Variants in SPATA6L observed in about 807,000 individuals in gnomAD.
The protein encoded by SPATA6L is spermatogenesis associated 6 like, also known as spermatogenesis associated 6-like protein.
A neutral mutation model predicts 49.2 loss-of-function variants in SPATA6L; 68 were observed. That is an observed-to-expected ratio of 1.38 (90% CI 1.14 to 1.69). The LOEUF (loss-of-function observed/expected upper bound fraction) is 1.69. SPATA6L is among the 40% of genes most tolerant of loss of function. SPATA6L has a pLI of 0.00. For synonymous variants in SPATA6L, 198 were observed against 165.7 expected (o/e 1.19, Z -1.50); for missense variants, 668 against 464.3 (o/e 1.44, Z -4.03).
At chr9:4,663,288 AG>A in intron 1 of SPATA6L, 1 of 1,599,362 alleles carries the variant, frequency 6.3e-7, no homozygotes, top group Non-Finnish European at 8.5e-7. Flanking sequence ...TTATGGCACC[AG>A]GAAGTCTGAA....
intron 5 of SPATA6L, chr9:4,628,341 C>G (rs542360814): frequency 6.5e-6 from 1 of 153,294 alleles, no homozygotes; most frequent in Admixed American, 6.4e-5. Context: ...ATACTGTATG[C>G]CTATATCAAA....
In SPATA6L at chr9:4,645,083, T is replaced by C. The variant is rs371950296; in HGVS notation, c.227-9684A>G. ...ACCTGTATTTATGAATAACGAAATTTGAATTTCATATAATTTTCACATCAC... is the reference window on the plus strand; with the variant it reads ...ACCTGTATTTATGAATAACGAAATTCGAATTTCATATAATTTTCACATCAC... On this transcript the variant is annotated intron_variant, in intron 3 of 11. Transcript: ENST00000682582. 3.9e-5 allele frequency among the ~76,000 whole-genome samples: 6 copies of C among 152,352 alleles called. No individual in the cohort carries two copies. In the East Asian group the frequency reaches 7.7e-4, roughly 20 times the overall value.
Position 4,618,088 on chromosome 9 carries a change from C to T in SPATA6L, c.830G>A (p.Arg277Gln), listed in dbSNP as rs368549520. 1.1e-5 allele frequency: 17 copies of T among 1,610,320 alleles called. No individual in the cohort carries two copies. The highest frequency in any genetic ancestry group is 4.0e-5 in the African/African-American group (3 of 74,782). ...NVKVIKEPDE[R>Q]IVLRSDSSSC... ...TGATGAGTCACTCCTTAAAACAATC[C>T]GTTCATCTGGCTCTTTGATAACCTG... The change falls in exon 9 of 12, where the codon CGG (arginine) becomes CAG (glutamine). Residue 277 changes from arginine (R) to glutamine (Q), a missense_variant. Physicochemically the swap from Arg to Gln is conservative, Grantham distance 43. Coordinates refer to ENST00000682582, the MANE Select transcript of SPATA6L (RefSeq NM_001353486.2).
At chr9:4,606,096 T>A (rs975710149) in intron 9 of SPATA6L, among the ~76,000 whole-genome samples, 2 of 152,066 alleles carry the variant, frequency 1.3e-5, no homozygotes, top group African/African-American at 4.8e-5. Context: ...ATACTGCGCT[T>A]TTCCTACGGG....
intron 3 of SPATA6L, among the ~76,000 whole-genome samples, chr9:4,646,752 C>T (rs1835470264): frequency 6.6e-6 from 1 of 152,002 alleles, no homozygotes; most frequent in African/African-American, 2.4e-5. Context: ...TTTCACTAGC[C>T]ATAAAAAAGA....
Position 4,604,320 on chromosome 9 carries a change from T to C in SPATA6L, c.1090-51A>G, listed in dbSNP as rs774623117. The C allele has an allele frequency of 4.7e-5, 57 of 1,215,768 alleles. No homozygotes were observed. In the Middle Eastern group the frequency reaches 3.3e-3, roughly 70 times the overall value. 75.3% of individuals were successfully genotyped at this position (1,215,768 alleles called of 1,614,324 possible). A position where few individuals can be genotyped will look rare whatever the true frequency, so the allele number is the denominator to read the frequency against. On this transcript the variant is annotated intron_variant, in intron 10 of 11. Transcript: ENST00000682582. ...TATGTTACCCATAACATAATAGAGA[T>C]GGATGATACCCAGATGTGTAGTTTT...
Position 4,662,604 on chromosome 9 carries a change from G to A in SPATA6L, c.40-568C>T, listed in dbSNP as rs760313037. 1.3e-6 allele frequency: 2 copies of A among 1,594,424 alleles called. No individual in the cohort carries two copies. Among genetic ancestry groups the A allele is most frequent in the Non-Finnish European group, 1.7e-6 (2 of 1,177,828 alleles). On this transcript the variant is annotated intron_variant, in intron 1 of 11. Coordinates refer to ENST00000682582, the MANE Select transcript of SPATA6L (RefSeq NM_001353486.2). The surrounding 1 kb of genome is among the most constrained non-coding windows in gnomAD (Gnocchi z 4.9). ...CGGCTCCTTCCCCCTGGCCGCGGCG[G>A]GCCCCTCGCAGTCGCCCGCGCCTCC...
chr9:4,648,385 T>G (rs1266268256), intron 3 of SPATA6L, among the ~76,000 whole-genome samples: 1 of 152,082 alleles, frequency 6.6e-6, no homozygotes, highest in African/African-American at 2.4e-5. Flanking sequence ...CACAGGTTAT[T>G]GGGGAATAGA....
At chr9:4,615,602 G>A (rs772723627) in intron 9 of SPATA6L, among the ~76,000 whole-genome samples, 1 of 152,208 alleles carries the variant, frequency 6.6e-6, no homozygotes, top group Non-Finnish European at 1.5e-5. Context: ...TCTCTCTCCT[G>A]ATGTAACTGA....
intron 9 of SPATA6L, among the ~76,000 whole-genome samples, chr9:4,616,348 A>T (rs1039182840): frequency 6.6e-6 from 1 of 152,170 alleles, no homozygotes; most frequent in Non-Finnish European, 1.5e-5. Flanking sequence ...GCACTTAGAG[A>T]CACATGAGCG....
chr9:4,659,556 A>T (rs1232337823), intron 2 of SPATA6L, among the ~76,000 whole-genome samples: 2 of 152,208 alleles, frequency 1.3e-5, no homozygotes, highest in African/African-American at 4.8e-5. Context: ...AGAAGATTCC[A>T]TGCTCATGGA....
At chr9:4,636,807 A>C (rs1832896594) in intron 3 of SPATA6L, among the ~76,000 whole-genome samples, 1 of 152,238 alleles carries the variant, frequency 6.6e-6, no homozygotes, top group African/African-American at 2.4e-5. Context: ...TATATTTTTC[A>C]TCATAAATAG....
At chr9:4,628,947 G>A (rs529545794) in intron 5 of SPATA6L, 144 bp downstream of exon 5, 544 of 626,760 alleles carry the variant, frequency 8.7e-4, no homozygotes, top group Non-Finnish European at 9.4e-4. Flanking sequence ...TTGAATTATA[G>A]AAATACAAAC....
intron 2 of SPATA6L, among the ~76,000 whole-genome samples, chr9:4,657,641 G>T (rs759848229): frequency 6.6e-6 from 1 of 152,152 alleles, no homozygotes; most frequent in Non-Finnish European, 1.5e-5. Flanking sequence ...ACTAAAAGAG[G>T]TTCAGAGACC....
rs941147540 is a variant in SPATA6L, at chr9:4,625,454, C to A, written c.542G>T (p.Gly181Val). 6.2e-7 allele frequency: 1 copy of A among 1,614,006 alleles called. No individual in the cohort carries two copies. Among genetic ancestry groups the A allele is most frequent in the Non-Finnish European group, 8.5e-7 (1 of 1,179,982 alleles). The change falls in exon 6 of 12, where the codon GGC (glycine) becomes GTC (valine). Residue 181 changes from glycine to valine, a missense_variant. Transcript: ENST00000682582. Reference sequence around the variant, plus strand: ...TTGAGAGGGCGCCCGGGCTTGCATGCCTTTGGGCAGTCTGTTGAGATTATT... The same window carrying A: ...TTGAGAGGGCGCCCGGGCTTGCATGACTTTGGGCAGTCTGTTGAGATTATT... ...KENNLNRLPKGMQARAPSQYS... is the reference protein window; with the variant it reads ...KENNLNRLPKVMQARAPSQYS...
At position 4,624,773 on chromosome 9, in the gene SPATA6L, G is replaced by A. The variant is rs193163273; in HGVS notation, c.669+554C>T. Among the ~76,000 whole-genome samples, 775 of 151,582 alleles carry A rather than the reference G, an allele frequency of 5.1e-3. 20 individuals are homozygous for A. Among genetic ancestry groups the A allele is most frequent in the Admixed American group, 0.045 (679 of 15,194 alleles). ...ATGTAAAGAGACTAAGAGAACTAGT[G>A]TGACTAAATTTGCCTACCACTACCT... On this transcript the variant is annotated intron_variant, in intron 6 of 11. Transcript: ENST00000682582.
intron 11 of SPATA6L, among the ~76,000 whole-genome samples, chr9:4,601,836 C>T (rs1327519806): frequency 6.6e-6 from 1 of 152,204 alleles, no homozygotes; most frequent in Admixed American, 6.5e-5. Context: ...CTGTCCTGTT[C>T]TAGCTATTTG....
chr9:4,591,711 G>C (rs1284051386), intron 13 of SPATA6L, among the ~76,000 whole-genome samples: 2 of 152,210 alleles, frequency 1.3e-5, no homozygotes, highest in African/African-American at 4.8e-5. Context: ...GAAAGGGCCA[G>C]TTAAATTAGA....
At chr9:4,661,751 C>CAACTGCGGTTTTGCTTCAAGGCA in intron 2 of SPATA6L, 148 bp downstream of exon 2, 1 of 1,054,782 alleles carries the variant, frequency 9.5e-7, no homozygotes, top group Non-Finnish European at 1.3e-6. Flanking sequence ...GCAAGTGTTC[C>CAACTGCGGTTTTGCTTCAAGGCA]GACTGCGGTT....
Sources: gnomAD v4.1 joint callset for allele counts (sites outside exome capture counted in the v4.1 genomes callset) on GRCh38, gnomAD v4.1.1 for gene constraint, Gnocchi (gnomAD v3.1) non-coding constraint, MANE v1.5 for transcripts, NCBI Gene and HGNC (gene_info 2026-07-23, HGNC 2026-07-21) for gene names.